Variants in DDX39A observed in about 807,000 individuals in gnomAD.
The protein encoded by DDX39A is ATP-dependent RNA helicase DDX39A.
In DDX39A, 13 loss-of-function variants were observed where a neutral mutation model predicts 46.3. The observed-to-expected ratio is 0.28, with a 90% CI of 0.18 to 0.45. DDX39A has a LOEUF of 0.45. Ranked by LOEUF, DDX39A falls within the 20% of genes least tolerant of loss-of-function variation. The pLI, the probability that DDX39A is intolerant of heterozygous loss-of-function variation, is 1.00. For missense variants in DDX39A, 352 were observed against 581.8 expected (o/e 0.61, Z 4.06); for synonymous variants, 234 against 224.6 (o/e 1.04, Z -0.38).
chr19:14,415,177 T>C (rs1326410196), intron 1 of DDX39A, among the ~76,000 whole-genome samples: 1 of 152,168 alleles, frequency 6.6e-6, no homozygotes, highest in Admixed American at 6.6e-5. Flanking sequence ...TTTCTGTTTC[T>C]ATGGATTTGC....
intron 1 of DDX39A, among the ~76,000 whole-genome samples, chr19:14,417,677 C>A (rs751599717): frequency 2.0e-5 from 3 of 151,858 alleles, no homozygotes; most frequent in Non-Finnish European, 4.4e-5. Flanking sequence ...GTAGCAAAGG[C>A]TAAAAAATAA....
At chr19:14,416,957 A>G (rs906338193) in intron 1 of DDX39A, among the ~76,000 whole-genome samples, 2 of 152,180 alleles carry the variant, frequency 1.3e-5, no homozygotes, top group Non-Finnish European at 2.9e-5. Context: ...TGCTGGGATT[A>G]CAGGAATGAG....
At position 14,410,616 on chromosome 19, in the gene DDX39A, G is replaced by A. The variant is rs1404115832; in HGVS notation, c.614-282C>T. ...TTCAGGGAGGGGAGCCTGAGGCAGA[G>A]ACAGCCGCTGGGGTGAGAGCTGCAG... On this transcript the variant is annotated intron_variant, in intron 5 of 10. Coordinates refer to ENST00000242776, the MANE Select transcript of DDX39A (RefSeq NM_005804.4). The surrounding 1 kb of genome is among the most constrained non-coding windows in gnomAD (Gnocchi z 4.3). 1 of 529,284 alleles carries A rather than the reference G, an allele frequency of 1.9e-6. No homozygotes were observed. Among genetic ancestry groups the A allele is most frequent in the Non-Finnish European group, 3.4e-6 (1 of 290,300 alleles). 32.8% of individuals were successfully genotyped at this position (529,284 alleles called of 1,614,324 possible). A position where few individuals can be genotyped will look rare whatever the true frequency, so the allele number is the denominator to read the frequency against.
rs747004457 is a variant in DDX39A at position 14,410,325 on chromosome 19, C to T, written c.623G>A (p.Arg208Gln). The change falls in exon 6 of 11, where the codon CGG becomes CAG. Residue 208 changes from arginine (R) to glutamine (Q), a missense_variant. Transcript: ENST00000242776. This position sits in a 1 kb window ranked among gnomAD's most constrained non-coding sequence, Gnocchi z 4.3. ...CAGGCGGAAGATCTCCTGCACATCC[C>T]GCCGCATGTCTAGGTGGGGAGGGCA... ...DKMLEQLDMRRDVQEIFRLTP... is the reference protein window; with the variant it reads ...DKMLEQLDMRQDVQEIFRLTP... 1.5e-5 allele frequency: 24 copies of T among 1,613,910 alleles called. No individual in the cohort carries two copies. Among genetic ancestry groups the T allele is most frequent in the Non-Finnish European group, 1.8e-5 (21 of 1,179,950 alleles).
rs1160363390 is a variant in DDX39A, at chr19:14,410,309, G to A, written c.639C>T (p.Ile213=). The change falls in exon 6 of 11, where the codon ATC becomes ATT. Residue 213 remains isoleucine (I), a synonymous_variant. Transcript: ENST00000242776. The surrounding 1 kb of genome is among the most constrained non-coding windows in gnomAD (Gnocchi z 4.3). The part of the protein sequence containing the change: ...QLDMRRDVQE[I]FRLTPHEKQC... ...GCTTCTCGTGTGGTGTCAGGCGGAA[G>A]ATCTCCTGCACATCCCGCCGCATGT... The A allele has an allele frequency of 6.2e-7, 1 of 1,614,148 alleles. No homozygotes were observed. Among genetic ancestry groups the A allele is most frequent in the South Asian group, 1.1e-5 (1 of 91,078 alleles).
chr19:14,410,485 G>T lies in DDX39A; in HGVS notation c.614-151C>A. 1 of 680,126 alleles carries T rather than the reference G, an allele frequency of 1.5e-6. No homozygotes were observed. The highest frequency in any genetic ancestry group is 2.6e-6 in the Non-Finnish European group (1 of 386,026). The allele number at this position is 680,126 out of a possible 1,614,324, so 42.1% of individuals were successfully genotyped here. On this transcript the variant is annotated intron_variant, in intron 5 of 10. Transcript: ENST00000242776. This position sits in a 1 kb window ranked among gnomAD's most constrained non-coding sequence, Gnocchi z 4.3. The stretch of plus-strand genomic sequence containing the variant: ...TGAGCCGCGGGAGTGGCCAGTCCTG[G>T]TGCCTGAGGGGCTGGGGGGTGGCCA...
At position 14,410,915 on chromosome 19, in the gene DDX39A, A is replaced by T; in HGVS notation, c.613+74T>A. ...TGCCGGCCGCCCATGTAACCCACTCAAGAGCCTTCCGCCTGCTATGGGGCC... is the reference window on the plus strand; with the variant it reads ...TGCCGGCCGCCCATGTAACCCACTCTAGAGCCTTCCGCCTGCTATGGGGCC... On this transcript the variant is annotated intron_variant, in intron 5 of 10. Coordinates refer to ENST00000242776, the MANE Select transcript of DDX39A (RefSeq NM_005804.4). This position sits in a 1 kb window ranked among gnomAD's most constrained non-coding sequence, Gnocchi z 4.3. The T allele has an allele frequency of 7.1e-7, 1 of 1,410,636 alleles. No individual in the cohort carries two copies. The highest frequency in any genetic ancestry group is 9.4e-7 in the Non-Finnish European group (1 of 1,061,642). 87.4% of individuals were successfully genotyped at this position (1,410,636 alleles called of 1,614,324 possible). A position where few individuals can be genotyped will look rare whatever the true frequency, so the allele number is the denominator to read the frequency against.
chr19:14,416,709 C>T (rs941686697), intron 1 of DDX39A, among the ~76,000 whole-genome samples: 18 of 152,102 alleles, frequency 1.2e-4, no homozygotes, highest in Non-Finnish European at 1.6e-4. Flanking sequence ...TTTTTTGAGA[C>T]AGGGTCTCGC....
intron 1 of DDX39A, among the ~76,000 whole-genome samples, chr19:14,414,474 CTGAG>C (rs1461598093): frequency 3.3e-5 from 5 of 149,812 alleles, no homozygotes; most frequent in Non-Finnish European, 7.4e-5. Context: ...CCTCAGCCTC[CTGAG>C]TATCTGGGAT....
chr19:14,409,043 T>C lies in DDX39A; in HGVS notation c.1261A>G (p.Thr421Ala). ...AELPEEIDIS[T>A]YIEQSR ...CCCTGCCCAAGGCACTTACTGTATGTGGAGATGTCGATTTCCTCTGGAAGT... is the reference window on the plus strand; with the variant it reads ...CCCTGCCCAAGGCACTTACTGTATGCGGAGATGTCGATTTCCTCTGGAAGT... Residue 421 changes from threonine to alanine, a missense_variant, in exon 10 of 11, where the codon ACA becomes GCA. Thr to Ala is a moderately conservative substitution (Grantham distance 58). Transcript: ENST00000242776. This position sits in a 1 kb window ranked among gnomAD's most constrained non-coding sequence, Gnocchi z 8.3. The C allele has an allele frequency of 6.2e-7, 1 of 1,614,166 alleles. No homozygotes were observed. Among genetic ancestry groups the C allele is most frequent in the Non-Finnish European group, 8.5e-7 (1 of 1,180,024 alleles).
chr19:14,414,238 C>T (rs1433289240), intron 1 of DDX39A, among the ~76,000 whole-genome samples: 1 of 152,012 alleles, frequency 6.6e-6, no homozygotes, highest in Non-Finnish European at 1.5e-5. Context: ...CTCAACCTCC[C>T]TGTCCATGAG....
In DDX39A at chr19:14,417,070, T is replaced by C. The variant is rs1976837933; in HGVS notation, c.-5+2200A>G. Among the ~76,000 whole-genome samples, 3 of 152,276 alleles carry C rather than the reference T, an allele frequency of 2.0e-5. No homozygotes were observed. In the South Asian group the frequency reaches 6.2e-4, roughly 32 times the overall value. ...TCAATCAGGATCTGCCCAAGAGTAC[T>C]GTAACTTACTCCTCCGATGAAGGGG... On this transcript the variant is annotated intron_variant, in intron 1 of 10. Coordinates refer to ENST00000242776, the MANE Select transcript of DDX39A (RefSeq NM_005804.4).
In DDX39A at chr19:14,411,137, C is replaced by A; in HGVS notation, c.465G>T (p.Lys155Asn). The change falls in exon 5 of 11, where the codon AAG (lysine) becomes AAT (asparagine). Residue 155 changes from lysine (K) to asparagine (N), a missense_variant. Physicochemically the swap from Lys to Asn is moderately conservative, Grantham distance 94. Transcript: ENST00000242776. This position sits in a 1 kb window ranked among gnomAD's most constrained non-coding sequence, Gnocchi z 4.1. ...AGTTCTTCTTCAACACTTCTTCATCCTTCTTGATGGAGAGACCACCGAAGA... is the reference window on the plus strand; with the variant it reads ...AGTTCTTCTTCAACACTTCTTCATCATTCTTGATGGAGAGACCACCGAAGA... Reference protein sequence around the residue: ...SVFFGGLSIKKDEEVLKKNCP... With the variant: ...SVFFGGLSIKNDEEVLKKNCP... The A allele has an allele frequency of 1.2e-6, 2 of 1,601,446 alleles. No individual in the cohort carries two copies. Among genetic ancestry groups the A allele is most frequent in the Non-Finnish European group, 1.7e-6 (2 of 1,175,008 alleles).
In DDX39A at chr19:14,419,302, G is replaced by A. The variant is rs1249987660; in HGVS notation, c.-37C>T. On this transcript the variant is annotated 5_prime_UTR_variant, in exon 1 of 11. Coordinates refer to ENST00000242776, the MANE Select transcript of DDX39A (RefSeq NM_005804.4). The stretch of plus-strand genomic sequence containing the variant: ...CCCGTTCTTCTCCGCGCGCTGCTAA[G>A]AGACACTTCCAACTTCGGTTTTCCG... 1 of 245,326 alleles carries A rather than the reference G, an allele frequency of 4.1e-6. No individual in the cohort carries two copies. Among genetic ancestry groups the A allele is most frequent in the South Asian group, 3.4e-5 (1 of 29,118 alleles). 15.2% of individuals were successfully genotyped at this position (245,326 alleles called of 1,614,324 possible). A position where few individuals can be genotyped will look rare whatever the true frequency, so the allele number is the denominator to read the frequency against.
At chr19:14,418,690 G>T (rs1976919667) in intron 1 of DDX39A, among the ~76,000 whole-genome samples, 1 of 151,998 alleles carries the variant, frequency 6.6e-6, no homozygotes, top group Non-Finnish European at 1.5e-5. Context: ...TCGAACTCCT[G>T]ACCTCAAGTG....
chr19:14,409,465 C>CA lies in DDX39A; in HGVS notation c.975-19dup. Reference sequence around the variant, plus strand: ...GTGACAGGCTGGGGTGCAGGAGAAACAAGTGGAGGCCGTCAGACACTGGGC... The same window carrying CA: ...GTGACAGGCTGGGGTGCAGGAGAAACAAAGTGGAGGCCGTCAGACACTGGGC... On this transcript the variant is annotated intron_variant, in intron 8 of 10. Coordinates refer to ENST00000242776, the MANE Select transcript of DDX39A (RefSeq NM_005804.4). This position sits in a 1 kb window ranked among gnomAD's most constrained non-coding sequence, Gnocchi z 8.3. 1 of 1,613,434 alleles carries CA rather than the reference C, an allele frequency of 6.2e-7. No homozygotes were observed. Among genetic ancestry groups the CA allele is most frequent in the Non-Finnish European group, 8.5e-7 (1 of 1,179,912 alleles).
At position 14,409,318 on chromosome 19, in the gene DDX39A, G is replaced by A; in HGVS notation, c.1104C>T (p.Asp368=). Residue 368 remains aspartate, a synonymous_variant, in exon 9 of 11, where the codon GAC becomes GAT. Coordinates refer to ENST00000242776, the MANE Select transcript of DDX39A (RefSeq NM_005804.4). The surrounding 1 kb of genome is among the most constrained non-coding windows in gnomAD (Gnocchi z 8.3). ...GGCTGCTCACCCGGTGCAGGTAGGT[G>A]TCCGAGTCCTCAGGCATGTCGTAGT... ...VFNYDMPEDS[D]TYLHRVARAG... 6.2e-7 allele frequency: 1 copy of A among 1,614,224 alleles called. No homozygotes were observed. Among genetic ancestry groups the A allele is most frequent in the Non-Finnish European group, 8.5e-7 (1 of 1,180,052 alleles).
At position 14,410,394 on chromosome 19, in the gene DDX39A, C is replaced by A; in HGVS notation, c.614-60G>T. The A allele has an allele frequency of 6.9e-7, 1 of 1,448,344 alleles. No individual in the cohort carries two copies. The highest frequency in any genetic ancestry group is 9.7e-7 in the Non-Finnish European group (1 of 1,033,348). The allele number at this position is 1,448,344 out of a possible 1,614,324, so 89.7% of individuals were successfully genotyped here. A position where few individuals can be genotyped will look rare whatever the true frequency, so the allele number is the denominator to read the frequency against. On this transcript the variant is annotated intron_variant, in intron 5 of 10. Coordinates refer to ENST00000242776, the MANE Select transcript of DDX39A (RefSeq NM_005804.4). The surrounding 1 kb of genome is among the most constrained non-coding windows in gnomAD (Gnocchi z 4.3). ...GCGTCTGCCATGCAGGACCCCCACC[C>A]CAGACCAGACCCAGACCCCTCCCAA...
Position 14,410,036 on chromosome 19 carries a change from C to A in DDX39A, c.733-163G>T. The A allele has an allele frequency of 9.0e-7, 1 of 1,108,252 alleles. No individual in the cohort carries two copies. Among genetic ancestry groups the A allele is most frequent in the Non-Finnish European group, 1.4e-6 (1 of 737,770 alleles). 68.7% of individuals were successfully genotyped at this position (1,108,252 alleles called of 1,614,324 possible). ...TCAAAAGCTGGATGTAAGCTCTGGC[C>A]CGACTCAGGTGTGGACCAAGCTTGA... On this transcript the variant is annotated intron_variant, in intron 6 of 10. Coordinates refer to ENST00000242776, the MANE Select transcript of DDX39A (RefSeq NM_005804.4). The surrounding 1 kb of genome is among the most constrained non-coding windows in gnomAD (Gnocchi z 4.3).
Sources: gnomAD v4.1 joint callset for allele counts (sites outside exome capture counted in the v4.1 genomes callset) on GRCh38, gnomAD v4.1.1 for gene constraint, Gnocchi (gnomAD v3.1) non-coding constraint, MANE v1.5 for transcripts, NCBI Gene and HGNC (gene_info 2026-07-23, HGNC 2026-07-21) for gene names.